SYNE3: variants seen among roughly 807,000 people sequenced by gnomAD.
SYNE3 encodes spectrin repeat containing nuclear envelope family member 3.
SYNE3 carries 100 observed loss-of-function variants against 111.2 expected under a neutral mutation model. The observed-to-expected ratio is 0.90, with a 90% CI of 0.77 to 1.06. The LOEUF is 1.06. Among genes scored for constraint, SYNE3 ranks in the 50% least tolerant of loss-of-function variants. SYNE3 has a pLI of 0.00. For synonymous variants in SYNE3, 547 were observed against 533.9 expected (o/e 1.02, Z -0.34); for missense variants, 1,160 against 1,240.3 (o/e 0.94, Z 0.97).
intron 16 of SYNE3, among the ~76,000 whole-genome samples, chr14:95,432,663 T>C (rs908068926): frequency 1.6e-4 from 24 of 148,452 alleles, no homozygotes; most frequent in Middle Eastern, 7.2e-3. Context: ...ATTATTATTA[T>C]TATTATTATT....
In SYNE3 at chr14:95,513,737, T is replaced by TTATATATATATATATATA. The variant is rs59944497; in HGVS notation, c.-15+2841_-15+2858dup. 2.2e-3 allele frequency among the ~76,000 whole-genome samples: 206 copies of TTATATATATATATATATA among 92,478 alleles called. 2 individuals carry two copies. The highest frequency in any genetic ancestry group is 3.1e-3 in the Non-Finnish European group (152 of 48,440). The allele number at this position is 92,478 out of a possible 152,430, so 60.7% of individuals were successfully genotyped here. On this transcript the variant is annotated intron_variant, in intron 1 of 17. Coordinates refer to ENST00000682763, the MANE Select transcript of SYNE3 (RefSeq NM_152592.6). ...TTGTGGTCCAGTCAGGCTGCTTAGA[T>TTATATATATATATATATA]TATATATATATATATATATATATAT... is the stretch of plus-strand genomic sequence containing the variant.
At chr14:95,428,433 A>G (rs1043317297) in intron 17 of SYNE3, among the ~76,000 whole-genome samples, 1 of 152,218 alleles carries the variant, frequency 6.6e-6, no homozygotes, top group African/African-American at 2.4e-5. Flanking sequence ...GTGAAAAATT[A>G]TGAGTCTTAA....
chr14:95,471,681 G>A (rs1298057882), intron 2 of SYNE3, among the ~76,000 whole-genome samples: 10 of 152,220 alleles, frequency 6.6e-5, no homozygotes, highest in Admixed American at 5.2e-4. Context: ...ACACTCTTTG[G>A]CTGGTGTGAG....
intron 1 of SYNE3, among the ~76,000 whole-genome samples, chr14:95,482,495 A>G (rs1889321488): frequency 6.6e-6 from 1 of 152,192 alleles, no homozygotes; most frequent in Admixed American, 6.5e-5. Context: ...TCATTCAGTG[A>G]TCCAGAGGCT....
At chr14:95,422,697 G>A (rs547415397) in intron 17 of SYNE3, among the ~76,000 whole-genome samples, 15 of 152,166 alleles carry the variant, frequency 9.9e-5, no homozygotes, top group Non-Finnish European at 2.1e-4. Context: ...AGCGTGGGAC[G>A]GTGGGAGGAG....
chr14:95,423,482 G>T (rs189426276), intron 17 of SYNE3, among the ~76,000 whole-genome samples: 2 of 151,736 alleles, frequency 1.3e-5, no homozygotes, highest in African/African-American at 4.9e-5. Context: ...TGCTGATAGG[G>T]GCACGGGGAT....
rs1027078486 is a variant in SYNE3 at position 95,424,027 on chromosome 14, A to G, written c.2728-6001T>C. On this transcript the variant is annotated intron_variant, in intron 17 of 17. Coordinates refer to ENST00000682763, the MANE Select transcript of SYNE3 (RefSeq NM_152592.6). Reference sequence around the variant, plus strand: ...GTCAGCTTTAGATGTGATGAGTGGGAGGTGCCTGTGGGACCCCCAAGGAAA... The same window carrying G: ...GTCAGCTTTAGATGTGATGAGTGGGGGGTGCCTGTGGGACCCCCAAGGAAA... Among the ~76,000 whole-genome samples the G allele has an allele frequency of 1.5e-4, 23 of 151,734 alleles. 1 individual carries two copies. Among genetic ancestry groups the G allele is most frequent in the African/African-American group, 5.6e-4 (23 of 41,296 alleles).
At chr14:95,442,414 T>A (rs1311115155) in intron 11 of SYNE3, among the ~76,000 whole-genome samples, 2 of 152,176 alleles carry the variant, frequency 1.3e-5, no homozygotes, top group African/African-American at 4.8e-5. Flanking sequence ...AGGTTAGGAA[T>A]GTTTGGTATG....
rs745611263 is a variant in SYNE3, at chr14:95,455,727, G to C, written c.790-3C>G. On this transcript the variant is annotated splice_polypyrimidine_tract_variant and splice_region_variant and intron_variant, in intron 5 of 17. Coordinates refer to ENST00000682763, the MANE Select transcript of SYNE3 (RefSeq NM_152592.6). ...CTGGGAAAATCTTTGGCAATGTCCT[G>C]AAGAGGGTAGAGGGGTGAGGGAAAA... 11 of 1,613,556 alleles carry C rather than the reference G, an allele frequency of 6.8e-6. No individual in the cohort carries two copies. The East Asian group carries it at 2.5e-4, about 36-fold the overall frequency.
At chr14:95,436,649 G>GA (rs1315563627) in intron 15 of SYNE3, among the ~76,000 whole-genome samples, 171 bp downstream of exon 15, 1 of 152,234 alleles carries the variant, frequency 6.6e-6, no homozygotes, top group Non-Finnish European at 1.5e-5. Context: ...ATGAATGCCA[G>GA]AAAAAGTTCT....
At chr14:95,429,093 G>A (rs780525996) in intron 17 of SYNE3, among the ~76,000 whole-genome samples, 9 of 152,168 alleles carry the variant, frequency 5.9e-5, no homozygotes, top group Non-Finnish European at 1.2e-4. Context: ...ACAGGCATAC[G>A]CCACACTCCA....
intron 6 of SYNE3, among the ~76,000 whole-genome samples, chr14:95,454,688 A>G (rs1008548776): frequency 1.3e-5 from 2 of 152,258 alleles, no homozygotes; most frequent in Non-Finnish European, 2.9e-5. Context: ...GAGAAAACAT[A>G]TAACAACAGT....
At chr14:95,495,909 TG>T (rs1890071904) in intron 1 of SYNE3, among the ~76,000 whole-genome samples, 1 of 152,228 alleles carries the variant, frequency 6.6e-6, no homozygotes, top group Non-Finnish European at 1.5e-5. Context: ...CTTGGGGTTA[TG>T]GCAGCTGGGC....
At chr14:95,442,499 A>G (rs1034565273) in intron 11 of SYNE3, among the ~76,000 whole-genome samples, 2 of 152,228 alleles carry the variant, frequency 1.3e-5, no homozygotes, top group African/African-American at 2.4e-5. Flanking sequence ...TGTGAGCACC[A>G]GAGACCCTGC....
intron 2 of SYNE3, among the ~76,000 whole-genome samples, chr14:95,474,860 C>A (rs957168380): frequency 6.6e-6 from 1 of 152,192 alleles, no homozygotes; most frequent in African/African-American, 2.4e-5. Context: ...GCACCCCACC[C>A]CACACTAAGA....
chr14:95,468,082 A>C, intron 2 of SYNE3, 115 bp from the exon 3 acceptor site: 1 of 1,238,232 alleles, frequency 8.1e-7, no homozygotes, highest in Non-Finnish European at 1.1e-6. Flanking sequence ...AGGATCTGGG[A>C]TTCACATCAC....
chr14:95,499,161 G>A (rs778621593), intron 1 of SYNE3, among the ~76,000 whole-genome samples: 3 of 152,190 alleles, frequency 2.0e-5, no homozygotes, highest in South Asian at 2.1e-4. Flanking sequence ...GCTTAGGCAC[G>A]AGGATGTTTC....
chr14:95,418,135 G>A, intron 17 of SYNE3, 109 bp from the exon 18 acceptor site: 2 of 1,089,324 alleles, frequency 1.8e-6, no homozygotes, highest in South Asian at 2.6e-5. Context: ...TGAACTGACT[G>A]TATGACAGTA....
intron 17 of SYNE3, among the ~76,000 whole-genome samples, chr14:95,426,817 G>A (rs1444830398): frequency 3.3e-5 from 5 of 151,336 alleles, no homozygotes; most frequent in Non-Finnish European, 5.9e-5. Context: ...GGTGGCAGGC[G>A]CCTGTAGTCC....
Sources: gnomAD v4.1 joint callset for allele counts (sites outside exome capture counted in the v4.1 genomes callset) on GRCh38, gnomAD v4.1.1 for gene constraint, MANE v1.5 for transcripts, NCBI Gene and HGNC (gene_info 2026-07-23, HGNC 2026-07-21) for gene names.